The following CCDC146 variants were observed in gnomAD, a reference collection of about 807,000 sequenced individuals.
CCDC146 encodes coiled-coil domain containing 146, also known as coiled-coil domain-containing protein 146.
Under a neutral mutation model 119.3 loss-of-function variants are expected in CCDC146, and 92 were observed. The observed-to-expected ratio is 0.77, with a 90% CI of 0.65 to 0.92. The LOEUF is 0.92. Among genes scored for constraint, CCDC146 ranks in the 40% least tolerant of loss-of-function variants. The probability of loss-of-function intolerance (pLI) is 0.00; values close to 1 mark genes in which losing one functional copy is unlikely to be tolerated. For synonymous variants in CCDC146, 372 were observed against 371.8 expected, an observed-to-expected ratio of 1.00 and a Z score of -0.01; for missense variants, 1,000 against 1,103.0, an observed-to-expected ratio of 0.91 and a Z score of 1.32.
chr7:77,184,116 C>G (rs1791629337), intron 2 of CCDC146, among the ~76,000 whole-genome samples: 1 of 152,108 alleles, frequency 6.6e-6, no homozygotes, highest in East Asian at 1.9e-4. Context: ...CAATGATTTT[C>G]AAATATTTTT....
intron 16 of CCDC146, 39 bp downstream of exon 16, chr7:77,286,965 C>T (rs753978258): frequency 6.2e-7 from 1 of 1,609,094 alleles, no homozygotes; most frequent in Non-Finnish European, 8.5e-7. Flanking sequence ...GTTAGCTCCT[C>T]GTTGATGTAG....
At chr7:77,209,454 G>C (rs1792141892) in intron 2 of CCDC146, among the ~76,000 whole-genome samples, 1 of 152,336 alleles carries the variant, frequency 6.6e-6, no homozygotes, top group Non-Finnish European at 1.5e-5. Flanking sequence ...TACAGCCCCT[G>C]CACCTGCTTT....
chr7:77,233,094 G>GTTT (rs10645152), intron 2 of CCDC146, among the ~76,000 whole-genome samples: 5,844 of 144,608 alleles, frequency 0.04, 362 homozygotes, highest in African/African-American at 0.13. Context: ...TCTTTTGTTT[G>GTTT]TTTTTTTTTT....
chr7:77,252,655 T>G (rs2056707), intron 4 of CCDC146, among the ~76,000 whole-genome samples: 85,342 of 152,088 alleles, frequency 0.56, 26,447 homozygotes, highest in Non-Finnish European at 0.7. Flanking sequence ...TAAGGATGTT[T>G]AACGCATCAC....
rs371686777 is a variant in CCDC146, at chr7:77,124,308, AAT to A, written c.-12+1578_-12+1579del. 3.4e-4 allele frequency among the ~76,000 whole-genome samples: 52 copies of A among 152,346 alleles called. No homozygotes were observed. The East Asian group carries it at 8.7e-3, about 25-fold the overall frequency. The stretch of plus-strand genomic sequence containing the variant: ...ATTATTAATATTAAGATTGGTATAA[AAT>A]AGTTAAAGTTATAGACACTTAAAAA... On this transcript the variant is annotated intron_variant, in intron 1 of 18. Transcript: ENST00000285871.
chr7:77,158,718 C>T (rs1360150745), intron 1 of CCDC146, among the ~76,000 whole-genome samples: 1 of 152,044 alleles, frequency 6.6e-6, no homozygotes, highest in East Asian at 1.9e-4. Context: ...CGGGGTTTCA[C>T]CATGTTGGCC....
At chr7:77,275,068 C>CAA (rs201616093) in intron 11 of CCDC146, among the ~76,000 whole-genome samples, 6 of 28,928 alleles carry the variant, frequency 2.1e-4, no homozygotes, top group African/African-American at 3.6e-4. Flanking sequence ...GAAGGAAACT[C>CAA]AAAAAAAAAA....
At chr7:77,285,152 T>A (rs1793826781) in intron 15 of CCDC146, among the ~76,000 whole-genome samples, 1 of 152,166 alleles carries the variant, frequency 6.6e-6, no homozygotes, top group East Asian at 1.9e-4. Context: ...TTTTAGGAAG[T>A]TATATGAACT....
At chr7:77,254,666 T>G (rs1158102847) in intron 5 of CCDC146, 103 bp downstream of exon 5, 2 of 642,936 alleles carry the variant, frequency 3.1e-6, no homozygotes, top group Non-Finnish European at 2.7e-6. Flanking sequence ...TGAAACATTT[T>G]AAAGACTCTA....
chr7:77,238,707 G>A lies in CCDC146; in HGVS notation c.239+1678G>A, dbSNP rs1046240297. ...GCTGGGATTACAGGCGTGAGCCACC[G>A]TGCCCAGCCTGGATAGCTCTTATCT... On this transcript the variant is annotated intron_variant, in intron 3 of 18. Coordinates refer to ENST00000285871, the MANE Select transcript of CCDC146 (RefSeq NM_020879.3). Among the ~76,000 whole-genome samples the A allele has an allele frequency of 5.9e-5, 9 of 152,096 alleles. No individual in the cohort carries two copies. In the South Asian group the frequency reaches 8.3e-4, roughly 14 times the overall value.
intron 9 of CCDC146, among the ~76,000 whole-genome samples, chr7:77,264,754 C>T (rs188150304): frequency 6.6e-6 from 1 of 152,124 alleles, no homozygotes; most frequent in African/African-American, 2.4e-5. Context: ...GTATCCCATC[C>T]GCTTCATGTT....
chr7:77,129,497 T>G (rs1212374673), intron 1 of CCDC146, among the ~76,000 whole-genome samples: 3 of 152,194 alleles, frequency 2.0e-5, no homozygotes, highest in Non-Finnish European at 4.4e-5. Context: ...AAGGTTAGAA[T>G]GAATCTTCTG....
chr7:77,182,259 G>A (rs1791601334), intron 2 of CCDC146, among the ~76,000 whole-genome samples: 2 of 152,158 alleles, frequency 1.3e-5, no homozygotes, highest in Non-Finnish European at 2.9e-5. Flanking sequence ...ATCATTGGGT[G>A]GGAGAGTGAT....
intron 5 of CCDC146, among the ~76,000 whole-genome samples, chr7:77,255,156 A>G (rs1252163590): frequency 1.3e-5 from 2 of 152,304 alleles, no homozygotes; most frequent in East Asian, 1.9e-4. Flanking sequence ...TCCAGACTCA[A>G]TAAAGAGCAA....
chr7:77,278,909 T>C, intron 12 of CCDC146, 28 bp from the exon 13 acceptor site: 1 of 1,603,414 alleles, frequency 6.2e-7, no homozygotes, highest in Non-Finnish European at 8.5e-7. Flanking sequence ...ATTTCATAAG[T>C]TTCAGTAAAC....
At chr7:77,154,355 G>C (rs918390475) in intron 1 of CCDC146, among the ~76,000 whole-genome samples, 1 of 151,634 alleles carries the variant, frequency 6.6e-6, no homozygotes. Context: ...TGTGCACAAC[G>C]TGCAGGTTTG....
At chr7:77,289,044 G>A (rs1033480214) in intron 17 of CCDC146, among the ~76,000 whole-genome samples, 4 of 132,946 alleles carry the variant, frequency 3.0e-5, no homozygotes, top group Non-Finnish European at 6.6e-5. Context: ...TGGCAGGTGT[G>A]CAAATCACAA....
At chr7:77,250,417 T>G (rs1793034937) in intron 4 of CCDC146, among the ~76,000 whole-genome samples, 1 of 152,258 alleles carries the variant, frequency 6.6e-6, no homozygotes, top group South Asian at 2.1e-4. Context: ...GCTTTATTTC[T>G]CCTTTACTTT....
intron 1 of CCDC146, among the ~76,000 whole-genome samples, chr7:77,159,692 T>C (rs1195903553): frequency 6.6e-6 from 1 of 152,232 alleles, no homozygotes; most frequent in East Asian, 1.9e-4. Flanking sequence ...TTTTTACTTT[T>C]TGAGGAAACT....
Sources: allele counts gnomAD v4.1 joint callset (sites outside exome capture counted in the v4.1 genomes callset), GRCh38; gene constraint gnomAD v4.1.1; transcripts MANE v1.5; gene names NCBI Gene and HGNC (gene_info 2026-07-23, HGNC 2026-07-21).